Variants in LRIF1 observed in about 807,000 individuals in gnomAD.
LRIF1 encodes the protein ligand-dependent nuclear receptor-interacting factor 1.
LRIF1 carries 32 observed loss-of-function variants against 52.7 expected under a neutral mutation model. The observed-to-expected ratio is 0.61, with a 90% CI of 0.46 to 0.82. The LOEUF (loss-of-function observed/expected upper bound fraction) is 0.82. Among genes scored for constraint, LRIF1 ranks in the 40% least tolerant of loss-of-function variants. The pLI is 0.00. For synonymous variants in LRIF1, 323 were observed against 317.4 expected (o/e 1.02, Z -0.19); for missense variants, 887 against 892.0 (o/e 0.99, Z 0.07).
downstream of LRIF1, among the ~76,000 whole-genome samples, chr1:110,945,428 CCTCT>C (rs1230340553): frequency 6.6e-6 from 1 of 151,342 alleles, no homozygotes; most frequent in South Asian, 2.1e-4. Context: ...TCCCTCCCTC[CCTCT>C]CTCCTTCCTT....
At chr1:110,946,839 T>C (rs745473185), downstream of LRIF1, among the ~76,000 whole-genome samples, 38 of 152,054 alleles carry the variant, frequency 2.5e-4, no homozygotes, top group Non-Finnish European at 1.0e-4. Flanking sequence ...GTATTTTTAG[T>C]AGAGACAGGG....
At chr1:110,962,663 TAC>T (rs1342056191) in intron 1 of LRIF1, among the ~76,000 whole-genome samples, 1 of 152,234 alleles carries the variant, frequency 6.6e-6, no homozygotes, top group Non-Finnish European at 1.5e-5. Flanking sequence ...TGCTATTATT[TAC>T]AGACTGGAAA....
At chr1:110,961,182 T>G (rs552368839) in intron 1 of LRIF1, among the ~76,000 whole-genome samples, 1 of 152,306 alleles carries the variant, frequency 6.6e-6, no homozygotes, top group South Asian at 2.1e-4. Flanking sequence ...CTTTCTCTAC[T>G]CTCTTCCTTT....
chr1:110,932,488 A>G, the LRIF1 span, among the ~76,000 whole-genome samples: 1 of 152,118 alleles, frequency 6.6e-6, no homozygotes, highest in Non-Finnish European at 1.5e-5. Context: ...TTCCATGTGA[A>G]CTTTAAAGTA....
chr1:110,901,138 TTCTC>T, the LRIF1 span, among the ~76,000 whole-genome samples: 4 of 147,278 alleles, frequency 2.7e-5, no homozygotes, highest in East Asian at 3.9e-4. Flanking sequence ...AGAGGAGACA[TTCTC>T]TCTCTCTGTT....
the LRIF1 span, among the ~76,000 whole-genome samples, chr1:110,884,323 A>G: frequency 5.3e-5 from 8 of 152,080 alleles, no homozygotes; most frequent in Non-Finnish European, 2.9e-5. Flanking sequence ...TTCTAGGGAT[A>G]TTTCTGTTAT....
At position 110,948,326 on chromosome 1, in the gene LRIF1, T is replaced by C; in HGVS notation, c.1943A>G (p.Asn648Ser). The C allele has an allele frequency of 1.2e-6, 2 of 1,614,076 alleles. No homozygotes were observed. Among genetic ancestry groups the C allele is most frequent in the Non-Finnish European group, 1.7e-6 (2 of 1,179,996 alleles). The change falls in exon 4 of 4, where the codon AAT (asparagine) becomes AGT (serine). Residue 648 changes from asparagine (N) to serine (S), a missense_variant. Asn to Ser is a conservative substitution (Grantham distance 46). Transcript: ENST00000369763. Reference protein sequence around the residue: ...MDHIKKRKTENAYNAIINGEA... With the variant: ...MDHIKKRKTESAYNAIINGEA... The stretch of plus-strand genomic sequence containing the variant: ...CCCATTTATGATTGCGTTATAAGCA[T>C]TCTCTGTTTTTCTCTTCTTTATGTG...
chr1:110,921,117 C>T, the LRIF1 span, among the ~76,000 whole-genome samples: 1 of 151,992 alleles, frequency 6.6e-6, no homozygotes, highest in African/African-American at 2.4e-5. Context: ...ACTCAAATTC[C>T]CAGACAATAA....
At chr1:110,960,189 C>T (rs1166609510) in intron 1 of LRIF1, among the ~76,000 whole-genome samples, 1 of 152,032 alleles carries the variant, frequency 6.6e-6, no homozygotes, top group Non-Finnish European at 1.5e-5. Flanking sequence ...TTACACACTC[C>T]CCTTGAGAAA....
At chr1:110,882,143 T>C in the LRIF1 span, among the ~76,000 whole-genome samples, 2 of 152,176 alleles carry the variant, frequency 1.3e-5, no homozygotes, top group Admixed American at 6.5e-5. Context: ...TATCAACTTA[T>C]TGTGCTTTTG....
intron 3 of LRIF1, among the ~76,000 whole-genome samples, chr1:110,948,708 T>G (rs944117773): frequency 6.6e-5 from 10 of 152,188 alleles, no homozygotes; most frequent in Non-Finnish European, 1.5e-4. Context: ...AAATTGATTG[T>G]TTTTTTCTTT....
the LRIF1 span, among the ~76,000 whole-genome samples, chr1:110,901,504 G>A: frequency 7.5e-6 from 1 of 132,584 alleles, no homozygotes; most frequent in South Asian, 2.5e-4. Context: ...TTTAGACGGA[G>A]TCTCACTCTG....
chr1:110,949,292 G>A (rs1347513392), intron 3 of LRIF1, among the ~76,000 whole-genome samples: 7 of 151,766 alleles, frequency 4.6e-5, no homozygotes, highest in Admixed American at 4.6e-4. Context: ...CTAATTTTTT[G>A]TATTTTTAGT....
At chr1:110,945,266 A>G (rs1016928572), downstream of LRIF1, 1 of 152,208 alleles carries the variant, frequency 6.6e-6, no homozygotes, top group Non-Finnish European at 1.5e-5. Context: ...ACGCACACAG[A>G]ATGATCAGAA....
At chr1:110,923,174 C>T in the LRIF1 span, among the ~76,000 whole-genome samples, 1 of 152,140 alleles carries the variant, frequency 6.6e-6, no homozygotes, top group Non-Finnish European at 1.5e-5. Context: ...GTGGTGCACA[C>T]CTGTAGCCCC....
At chr1:110,940,005 A>G in the LRIF1 span, 12 of 152,340 alleles carry the variant, frequency 7.9e-5, no homozygotes, top group Non-Finnish European at 1.3e-4. Context: ...CAAGTTAAGA[A>G]GCTTCTGCAC....
chr1:110,959,818 A>C (rs1401692591), intron 1 of LRIF1, among the ~76,000 whole-genome samples: 1 of 151,876 alleles, frequency 6.6e-6, no homozygotes, highest in Non-Finnish European at 1.5e-5. Flanking sequence ...ATAACTTCTG[A>C]CATTTTTTAC....
At chr1:110,931,212 C>A in the LRIF1 span, among the ~76,000 whole-genome samples, 5 of 152,230 alleles carry the variant, frequency 3.3e-5, no homozygotes, top group African/African-American at 1.2e-4. Flanking sequence ...TCAATTCCCA[C>A]CTATGAGTGA....
At chr1:110,911,521 C>T in the LRIF1 span, among the ~76,000 whole-genome samples, 4 of 152,050 alleles carry the variant, frequency 2.6e-5, no homozygotes, top group African/African-American at 4.8e-5. Flanking sequence ...GCATCATTCT[C>T]ATACTAAAAC....
Sources: gnomAD v4.1 joint callset for allele counts (sites outside exome capture counted in the v4.1 genomes callset) on GRCh38, gnomAD v4.1.1 for gene constraint, MANE v1.5 for transcripts, NCBI Gene and HGNC (gene_info 2026-07-23, HGNC 2026-07-21) for gene names.